The following RBFOX2 variants were observed in gnomAD, a reference collection of about 807,000 sequenced individuals.
RBFOX2 encodes the protein RNA binding fox-1 homolog 2, also known as RNA binding protein fox-1 homolog 2.
A neutral mutation model predicts 49.1 loss-of-function variants in RBFOX2; 10 were observed. The observed-to-expected ratio is 0.20, with a 90% CI of 0.13 to 0.35. RBFOX2 has a LOEUF of 0.35. Among genes scored for constraint, RBFOX2 ranks in the 10% least tolerant of loss-of-function variants. The pLI is 1.00. For missense variants in RBFOX2, 323 were observed against 486.9 expected, an observed-to-expected ratio of 0.66 and a Z score of 3.17; for synonymous variants, 183 against 187.4, an observed-to-expected ratio of 0.98 and a Z score of 0.19.
chr22:35,805,112 C>T (rs1042203592), intron 2 of RBFOX2, among the ~76,000 whole-genome samples: 3 of 151,636 alleles, frequency 2.0e-5, no homozygotes, highest in Admixed American at 2.0e-4. Flanking sequence ...ACAGTGAAAC[C>T]CCGTCTCTAC....
chr22:35,993,890 G>C (rs1363210784), intron 1 of RBFOX2: 2 of 152,150 alleles, frequency 1.3e-5, no homozygotes, highest in African/African-American at 4.8e-5. Flanking sequence ...AGGAGGCTGA[G>C]GCAGGAGAAT....
intron 1 of RBFOX2, among the ~76,000 whole-genome samples, chr22:35,832,804 A>C (rs372828915): frequency 7.2e-5 from 11 of 152,178 alleles, no homozygotes; most frequent in East Asian, 3.8e-4. Context: ...AGACTGCACC[A>C]CTGTACTCCA....
At chr22:35,765,159 G>A (rs1940514775) in intron 6 of RBFOX2, among the ~76,000 whole-genome samples, 1 of 150,216 alleles carries the variant, frequency 6.7e-6, no homozygotes, top group African/African-American at 2.5e-5. Flanking sequence ...GATCCAATTT[G>A]GGTTAATAGG....
At chr22:35,977,989 C>A (rs1048667374) in intron 1 of RBFOX2, among the ~76,000 whole-genome samples, 1 of 151,704 alleles carries the variant, frequency 6.6e-6, no homozygotes, top group Admixed American at 6.6e-5. Context: ...AGCTGGGAAA[C>A]TCTAGGGAGA....
chr22:36,028,307 G>A (rs763007085), exon 1 of RBFOX2: 1 of 1,524,802 alleles, frequency 6.6e-7, no homozygotes, highest in Non-Finnish European at 8.7e-7. Context: ...GCCGGGATCG[G>A]CTCCGTCTCC....
chr22:35,841,667 T>C (rs1222487970), upstream of RBFOX2, among the ~76,000 whole-genome samples: 1 of 152,198 alleles, frequency 6.6e-6, no homozygotes, highest in Non-Finnish European at 1.5e-5. Flanking sequence ...ATATACTTTC[T>C]AAAAGACTAC....
chr22:35,963,204 G>C (rs2149965200), upstream of RBFOX2, among the ~76,000 whole-genome samples: 1 of 151,994 alleles, frequency 6.6e-6, no homozygotes, highest in East Asian at 1.9e-4. Context: ...TAACACACAG[G>C]CATCTAGAAA....
chr22:35,978,577 CCTT>C (rs2057308846), intron 1 of RBFOX2, among the ~76,000 whole-genome samples: 1 of 152,134 alleles, frequency 6.6e-6, no homozygotes. Context: ...ACTTGGAAAA[CCTT>C]CTTGTGGCAG....
chr22:35,917,457 T>C (rs2050557611), intron 1 of RBFOX2, among the ~76,000 whole-genome samples: 1 of 152,200 alleles, frequency 6.6e-6, no homozygotes, highest in African/African-American at 2.4e-5. Flanking sequence ...GAAGGATTTT[T>C]ATCTTTTCTC....
intron 1 of RBFOX2, among the ~76,000 whole-genome samples, chr22:35,892,852 G>A (rs2047409138): frequency 6.6e-6 from 1 of 152,200 alleles, no homozygotes; most frequent in Non-Finnish European, 1.5e-5. Context: ...TTATATGACT[G>A]CCGAAAGTCA....
intron 1 of RBFOX2, among the ~76,000 whole-genome samples, chr22:36,018,176 T>A (rs949878443): frequency 6.6e-6 from 1 of 152,224 alleles, no homozygotes; most frequent in Admixed American, 6.5e-5. Context: ...TTCCTAAGGA[T>A]CTCACAGTCT....
chr22:35,865,908 G>GA (rs887235113), intron 1 of RBFOX2, among the ~76,000 whole-genome samples: 10 of 151,952 alleles, frequency 6.6e-5, no homozygotes, highest in African/African-American at 2.2e-4. Context: ...GCAAATCAAG[G>GA]AAAAAAATTA....
At chr22:35,814,824 G>A (rs1952699584) in intron 1 of RBFOX2, among the ~76,000 whole-genome samples, 1 of 151,912 alleles carries the variant, frequency 6.6e-6, no homozygotes, top group African/African-American at 2.4e-5. Context: ...GGAGGCCAAG[G>A]AGGGAGGATC....
At chr22:36,020,413 T>C (rs992377325) in intron 1 of RBFOX2, among the ~76,000 whole-genome samples, 8 of 152,062 alleles carry the variant, frequency 5.3e-5, no homozygotes, top group Admixed American at 2.0e-4. Flanking sequence ...CTAATTAAAC[T>C]AAAGAGCTTC....
chr22:35,803,823 A>G (rs979407527), intron 2 of RBFOX2, among the ~76,000 whole-genome samples: 16 of 152,228 alleles, frequency 1.1e-4, no homozygotes, highest in African/African-American at 3.9e-4. Flanking sequence ...ATGGCAGAAC[A>G]AAGAAGGAGT....
exon 12 of RBFOX2, chr22:35,741,929 G>A (rs970397897): frequency 2.0e-5 from 3 of 152,358 alleles, no homozygotes; most frequent in Non-Finnish European, 4.4e-5. Flanking sequence ...CACTGAATAC[G>A]TGGCTTGCCA....
intron 1 of RBFOX2, among the ~76,000 whole-genome samples, chr22:35,918,689 G>GTAT (rs2050697344): frequency 6.6e-6 from 1 of 152,152 alleles, no homozygotes; most frequent in Admixed American, 6.6e-5. Flanking sequence ...TCCCCATGAG[G>GTAT]TATTGTAGGG....
At chr22:35,770,829 A>T (rs887483068) in intron 4 of RBFOX2, among the ~76,000 whole-genome samples, 1 of 152,182 alleles carries the variant, frequency 6.6e-6, no homozygotes, top group Non-Finnish European at 1.5e-5. Flanking sequence ...CTCAATAATG[A>T]CTAACATTCT....
At chr22:35,935,310 C>G (rs2052931849) in intron 1 of RBFOX2, among the ~76,000 whole-genome samples, 1 of 152,152 alleles carries the variant, frequency 6.6e-6, no homozygotes, top group African/African-American at 2.4e-5. Context: ...CAATGTTTGT[C>G]TCCTCCACTT....
Sources: allele counts gnomAD v4.1 joint callset (sites outside exome capture counted in the v4.1 genomes callset), GRCh38; gene constraint gnomAD v4.1.1; transcripts MANE v1.5; gene names NCBI Gene and HGNC (gene_info 2026-07-23, HGNC 2026-07-21).